OGDH: variants seen among roughly 807,000 people sequenced by gnomAD.
OGDH encodes the protein oxoglutarate dehydrogenase, also known as 2-oxoglutarate dehydrogenase complex component E1.
OGDH carries 38 observed loss-of-function variants against 116.6 expected under a neutral mutation model. The ratio of observed to expected loss-of-function variants is 0.33; its 90% CI spans 0.25 to 0.43. The LOEUF (loss-of-function observed/expected upper bound fraction) is 0.43, where lower values mean the gene tolerates loss of function less well. OGDH is among the 20% of genes least tolerant of loss of function. OGDH has a pLI of 1.00. For missense variants in OGDH, 825 were observed against 1,357.2 expected, an observed-to-expected ratio of 0.61 and a Z score of 6.16; for synonymous variants, 488 against 533.3, an observed-to-expected ratio of 0.92 and a Z score of 1.17.
At chr7:44,611,565 C>T (rs1457917992) in intron 1 of OGDH, among the ~76,000 whole-genome samples, 2 of 151,812 alleles carry the variant, frequency 1.3e-5, no homozygotes, top group Non-Finnish European at 2.9e-5. Context: ...CGTGAGCCAC[C>T]GTGCCTGGCC....
rs993774264 is a variant in OGDH, at chr7:44,707,127, C to A, written c.2633-98C>A. The stretch of plus-strand genomic sequence containing the variant: ...AAGCATCTCTAACCCTTGAAAGCTG[C>A]GTCTCCTGGCAGCAGTCCCTGGCAC... On this transcript the variant is annotated intron_variant, in intron 20 of 22. Coordinates refer to ENST00000222673, the MANE Select transcript of OGDH (RefSeq NM_002541.4). This position sits in a 1 kb window ranked among gnomAD's most constrained non-coding sequence, Gnocchi z 5.2. The A allele has an allele frequency of 5.4e-6, 7 of 1,285,384 alleles. 1 individual carries two copies. Among genetic ancestry groups the A allele is most frequent in the Non-Finnish European group, 3.3e-6 (3 of 919,630 alleles). The allele number at this position is 1,285,384 out of a possible 1,614,324, so 79.6% of individuals were successfully genotyped here.
intron 4 of OGDH, among the ~76,000 whole-genome samples, chr7:44,659,318 A>G (rs1786833320): frequency 6.6e-6 from 1 of 152,054 alleles, no homozygotes; most frequent in South Asian, 2.1e-4. Flanking sequence ...GTCTCTTTAT[A>G]TATTTTGCAT....
chr7:44,674,370 GA>G (rs1224996334), intron 6 of OGDH, 40 bp from the exon 7 acceptor site: 3 of 1,612,854 alleles, frequency 1.9e-6, no homozygotes, highest in South Asian at 1.1e-5. Context: ...TGGTCAGGAA[GA>G]GTGACATTGC....
At chr7:44,628,798 A>G (rs775974600) in intron 2 of OGDH, among the ~76,000 whole-genome samples, 1 of 152,074 alleles carries the variant, frequency 6.6e-6, no homozygotes, top group Non-Finnish European at 1.5e-5. Context: ...TGTGAAAATT[A>G]TATTTGTGGT....
At chr7:44,609,572 T>C (rs1359257522) in intron 1 of OGDH, among the ~76,000 whole-genome samples, 1 of 151,906 alleles carries the variant, frequency 6.6e-6, no homozygotes, top group Non-Finnish European at 1.5e-5. Flanking sequence ...GGGCTATGGA[T>C]GTACCACATT....
rs183712063 is a variant in OGDH, at chr7:44,703,457, C to T, written c.2632+1842C>T. On this transcript the variant is annotated intron_variant, in intron 20 of 22. Transcript: ENST00000222673. ...TGAATAGGCTGGGCCCAGTGGCTTA[C>T]ACCTGTAATCTCAGCACTTTGGGAG... Among the ~76,000 whole-genome samples the T allele has an allele frequency of 4.2e-3, 630 of 151,568 alleles. 1 individual carries two copies. Among genetic ancestry groups the T allele is most frequent in the South Asian group, 0.011 (53 of 4,786 alleles).
rs1435070115 is a variant in OGDH at position 44,708,593 on chromosome 7, C to G, written c.*594C>G. ...GGGCAGCTTCAGTCTCTGCAGTGTC[C>G]ATTATCTGCTGTTCCTTCGAGGGTT... On this transcript the variant is annotated 3_prime_UTR_variant, in exon 23 of 23. Coordinates refer to ENST00000222673, the MANE Select transcript of OGDH (RefSeq NM_002541.4). 1 of 152,398 alleles carries G rather than the reference C, an allele frequency of 6.6e-6. No homozygotes were observed. Among genetic ancestry groups the G allele is most frequent in the African/African-American group, 2.4e-5 (1 of 41,448 alleles). 9.4% of individuals were successfully genotyped at this position (152,398 alleles called of 1,614,324 possible). A position where few individuals can be genotyped will look rare whatever the true frequency, so the allele number is the denominator to read the frequency against.
In OGDH at chr7:44,697,235, G is replaced by T; in HGVS notation, c.2052-135G>T. 2 of 1,462,278 alleles carry T rather than the reference G, an allele frequency of 1.4e-6. No individual in the cohort carries two copies. Among genetic ancestry groups the T allele is most frequent in the Admixed American group, 1.9e-5 (1 of 51,546 alleles). 90.6% of individuals were successfully genotyped at this position (1,462,278 alleles called of 1,614,324 possible). On this transcript the variant is annotated intron_variant, in intron 15 of 22. Coordinates refer to ENST00000222673, the MANE Select transcript of OGDH (RefSeq NM_002541.4). This position sits in a 1 kb window ranked among gnomAD's most constrained non-coding sequence, Gnocchi z 6.0. ...GGGTGCTTCTGTTAAGACCTGGGTG[G>T]GGCCGACCCTGCAGCTGCCTGGCCA...
At chr7:44,630,099 G>A (rs740094) in intron 2 of OGDH, among the ~76,000 whole-genome samples, 66,117 of 152,058 alleles carry the variant, frequency 0.43, 14,522 homozygotes, top group East Asian at 0.6. Context: ...GTTTTCTATG[G>A]GTGAAACTAA....
At chr7:44,686,689 C>CTTTTTT (rs35917984) in intron 10 of OGDH, among the ~76,000 whole-genome samples, 1 of 133,244 alleles carries the variant, frequency 7.5e-6, no homozygotes, top group Non-Finnish European at 1.6e-5. Context: ...TTCTTTTTTT[C>CTTTTTT]TTTTTTTTTT....
rs1222126328 is a variant in OGDH, at chr7:44,696,836, G to A, written c.1901-78G>A. On this transcript the variant is annotated intron_variant, in intron 14 of 22. Coordinates refer to ENST00000222673, the MANE Select transcript of OGDH (RefSeq NM_002541.4). ...TACGAGTAAAGAAGGCTCCGCTCTT[G>A]CCATGGGCACGCTGAGAAGCAAGGC... The A allele has an allele frequency of 2.7e-6, 4 of 1,486,634 alleles. No homozygotes were observed. The African/African-American group carries it at 4.2e-5, about 16-fold the overall frequency. The allele number at this position is 1,486,634 out of a possible 1,614,324, so 92.1% of individuals were successfully genotyped here. A position where few individuals can be genotyped will look rare whatever the true frequency, so the allele number is the denominator to read the frequency against.
chr7:44,681,717 C>T lies in OGDH; in HGVS notation c.1207-3C>T, dbSNP rs1292363285. 6.2e-7 allele frequency: 1 copy of T among 1,613,452 alleles called. No homozygotes were observed. Among genetic ancestry groups the T allele is most frequent in the East Asian group, 2.2e-5 (1 of 44,888 alleles). On this transcript the variant is annotated splice_region_variant and splice_polypyrimidine_tract_variant and intron_variant, in intron 9 of 22. Transcript: ENST00000222673. The stretch of plus-strand genomic sequence containing the variant: ...GATTTGGGGTCTCCTTTGGTGTTTA[C>T]AGGTCATGTCCATCCTGTTGCATGG...
chr7:44,678,368 G>A (rs1408539757), intron 9 of OGDH, among the ~76,000 whole-genome samples: 1 of 152,174 alleles, frequency 6.6e-6, no homozygotes, highest in East Asian at 1.9e-4. Context: ...CACATTCATA[G>A]ATTGTGGACA....
At chr7:44,689,392 C>CTTTTTTTTTTTTTT (rs561058807) in intron 10 of OGDH, among the ~76,000 whole-genome samples, 2 of 71,268 alleles carry the variant, frequency 2.8e-5, no homozygotes, top group Non-Finnish European at 5.4e-5. Flanking sequence ...ATTTTTTTTT[C>CTTTTTTTTTTTTTT]TTTTTTTTTT....
rs1249878592 is a variant in OGDH at position 44,676,163 on chromosome 7, A to G, written c.1206+14A>G. On this transcript the variant is annotated intron_variant, in intron 9 of 22. Coordinates refer to ENST00000222673, the MANE Select transcript of OGDH (RefSeq NM_002541.4). ...GAAGGGAAAAAGGTAAGGCCCAGAG[A>G]GAGGCGTGCAAGGCAGATCGTCAAG... The G allele has an allele frequency of 6.2e-7, 1 of 1,614,060 alleles. No individual in the cohort carries two copies. Among genetic ancestry groups the G allele is most frequent in the Non-Finnish European group, 8.5e-7 (1 of 1,180,052 alleles).
rs1245420587 is a variant in OGDH at position 44,698,361 on chromosome 7, C to T, written c.2430+98C>T. ...ATCTGGTCATCCTGAAGTGGCAGAC[C>T]GTGCCTCTGTCCCTTTCTCCATCCT... On this transcript the variant is annotated intron_variant, in intron 18 of 22. Coordinates refer to ENST00000222673, the MANE Select transcript of OGDH (RefSeq NM_002541.4). 1.9e-5 allele frequency: 24 copies of T among 1,256,228 alleles called. 1 individual carries two copies. Among genetic ancestry groups the T allele is most frequent in the South Asian group, 1.4e-4 (11 of 80,778 alleles). The allele number at this position is 1,256,228 out of a possible 1,614,324, so 77.8% of individuals were successfully genotyped here. A position where few individuals can be genotyped will look rare whatever the true frequency, so the allele number is the denominator to read the frequency against.
intron 1 of OGDH, among the ~76,000 whole-genome samples, chr7:44,620,314 C>T (rs957199246): frequency 5.3e-5 from 8 of 152,204 alleles, no homozygotes; most frequent in Admixed American, 2.0e-4. Flanking sequence ...AGCTACCGCT[C>T]CTGGCCAGAT....
At chr7:44,653,344 C>T (rs919165394) in intron 4 of OGDH, among the ~76,000 whole-genome samples, 4 of 152,188 alleles carry the variant, frequency 2.6e-5, no homozygotes, top group Middle Eastern at 3.4e-3. Flanking sequence ...TCGCCCGTCT[C>T]GGACTCCCAA....
At chr7:44,644,106 G>A (rs2115764153) in intron 2 of OGDH, among the ~76,000 whole-genome samples, 1 of 152,318 alleles carries the variant, frequency 6.6e-6, no homozygotes. Context: ...TCAGGAGGCT[G>A]AGGCAGGAGA....
Sources: gnomAD v4.1 joint callset for allele counts (sites outside exome capture counted in the v4.1 genomes callset) on GRCh38, gnomAD v4.1.1 for gene constraint, Gnocchi (gnomAD v3.1) non-coding constraint, MANE v1.5 for transcripts, NCBI Gene and HGNC (gene_info 2026-07-23, HGNC 2026-07-21) for gene names.